The following APPL2 variants were observed in gnomAD, a reference collection of about 807,000 sequenced individuals.
APPL2 encodes the protein adaptor protein, phosphotyrosine interacting with PH domain and leucine zipper 2, also known as DCC-interacting protein 13-beta.
Under a neutral mutation model 92.7 loss-of-function variants are expected in APPL2, and 84 were observed. The ratio of observed to expected loss-of-function variants is 0.91; its 90% confidence interval spans 0.76 to 1.09. APPL2 has a LOEUF of 1.09. Ranked by LOEUF, APPL2 falls within the 50% of genes least tolerant of loss-of-function variation. APPL2 has a pLI of 0.00. For synonymous variants in APPL2, 291 were observed against 291.0 expected, an observed-to-expected ratio of 1.00 and a Z score of 0.00; for missense variants, 736 against 824.5, an observed-to-expected ratio of 0.89 and a Z score of 1.31.
In APPL2 at chr12:105,217,686, G is replaced by T; in HGVS notation, c.193C>A (p.Leu65Met). The stretch of plus-strand genomic sequence containing the variant: ...GTTACCTGTTTTTCATATGCCAGCA[G>T]TTGCTTAGAAAGCTGTTGTGTGGCC... ...CLATQQLSKQ[L>M]LAYEKQNFAL... Residue 65 changes from leucine (L) to methionine (M), a missense_variant, in exon 3 of 21, where the codon CTG (leucine) becomes ATG (methionine). Leu to Met is a conservative substitution (Grantham distance 15). Transcript: ENST00000258530. 1.2e-6 allele frequency: 2 copies of T among 1,613,992 alleles called. No homozygotes were observed. The highest frequency in any genetic ancestry group is 8.5e-7 in the Non-Finnish European group (1 of 1,180,034).
intron 14 of APPL2, among the ~76,000 whole-genome samples, chr12:105,190,740 G>A (rs1887123220): frequency 6.6e-6 from 1 of 152,162 alleles, no homozygotes; most frequent in Non-Finnish European, 1.5e-5. Context: ...CTGAACTCCT[G>A]TGATTCTTCT....
In APPL2 at chr12:105,178,704, A is replaced by G. The variant is rs186459834; in HGVS notation, c.1635-1442T>C. On this transcript the variant is annotated intron_variant, in intron 17 of 20. Coordinates refer to ENST00000258530, the MANE Select transcript of APPL2 (RefSeq NM_018171.5). ...GACTTCTTACAACTGGTTCATCTGT[A>G]AAACTGTGGTAAGAACCCCCACTTC... 5.3e-5 allele frequency among the ~76,000 whole-genome samples: 8 copies of G among 152,344 alleles called. No homozygotes were observed. In the East Asian group the frequency reaches 1.5e-3, roughly 29 times the overall value.
chr12:105,194,260 T>G (rs1223871627), intron 14 of APPL2, among the ~76,000 whole-genome samples: 3 of 152,160 alleles, frequency 2.0e-5, no homozygotes, highest in Non-Finnish European at 4.4e-5. Context: ...GAAACTCCCA[T>G]TAAGACAAAA....
rs538682834 is a variant in APPL2 at position 105,195,769 on chromosome 12, C to T, written c.1053-142G>A. Reference sequence around the variant, plus strand: ...GATGAGAGGGAAAGAAAATGGGGTTCCAGGGCCAGGTGCAGTGGCTCATGC... The same window carrying T: ...GATGAGAGGGAAAGAAAATGGGGTTTCAGGGCCAGGTGCAGTGGCTCATGC... On this transcript the variant is annotated intron_variant, in intron 11 of 20. Transcript: ENST00000258530. 7.0e-5 allele frequency: 62 copies of T among 890,108 alleles called. 1 individual carries two copies. In the South Asian group the frequency reaches 9.1e-4, roughly 13 times the overall value. The allele number at this position is 890,108 out of a possible 1,614,324, so 55.1% of individuals were successfully genotyped here.
intron 2 of APPL2, among the ~76,000 whole-genome samples, chr12:105,228,121 G>A (rs1021895004): frequency 1.3e-5 from 2 of 152,188 alleles, no homozygotes; most frequent in Non-Finnish European, 2.9e-5. Flanking sequence ...CAGTAATAGA[G>A]TGGTGAACCT....
intron 17 of APPL2, among the ~76,000 whole-genome samples, chr12:105,180,440 G>A (rs1886000607): frequency 6.6e-6 from 1 of 152,146 alleles, no homozygotes; most frequent in Admixed American, 6.5e-5. Flanking sequence ...TTTTGCTTAG[G>A]ATTATCTGGG....
chr12:105,203,510 ACT>A (rs1451676457), intron 9 of APPL2, 191 bp downstream of exon 9: 2 of 579,700 alleles, frequency 3.5e-6, no homozygotes, highest in African/African-American at 1.9e-5. Flanking sequence ...TCTGGAGAAA[ACT>A]CTGCCAATGT....
chr12:105,212,288 C>T (rs1889289607), intron 4 of APPL2, among the ~76,000 whole-genome samples: 1 of 152,158 alleles, frequency 6.6e-6, no homozygotes, highest in Non-Finnish European at 1.5e-5. Context: ...ACCTCAAGGA[C>T]TGAGTAAATT....
At chr12:105,188,911 G>A (rs565448053) in intron 16 of APPL2, among the ~76,000 whole-genome samples, 2 of 152,336 alleles carry the variant, frequency 1.3e-5, no homozygotes, top group South Asian at 2.1e-4. Context: ...GAAAGGCAGT[G>A]ATGATGTTTC....
intron 4 of APPL2, among the ~76,000 whole-genome samples, chr12:105,211,909 A>G (rs1425141213): frequency 2.0e-5 from 3 of 152,280 alleles, no homozygotes; most frequent in African/African-American, 2.4e-5. Context: ...TCATGAGGTC[A>G]GGAGATCGAG....
chr12:105,195,194 C>T, intron 14 of APPL2, 67 bp downstream of exon 14: 1 of 1,482,946 alleles, frequency 6.7e-7, no homozygotes, highest in Admixed American at 1.7e-5. Flanking sequence ...TAAGCAACAA[C>T]TCATTTCGTA....
intron 9 of APPL2, among the ~76,000 whole-genome samples, chr12:105,201,392 C>T (rs569025930): frequency 2.0e-5 from 3 of 152,082 alleles, no homozygotes; most frequent in Admixed American, 6.6e-5. Context: ...GCACATAGAA[C>T]GGGGGAGGAG....
intron 11 of APPL2, among the ~76,000 whole-genome samples, chr12:105,196,315 G>A (rs1264162337): frequency 6.6e-6 from 1 of 151,668 alleles, no homozygotes; most frequent in East Asian, 1.9e-4. Context: ...GCCCAAAGAA[G>A]GACTTGGCAG....
intron 20 of APPL2, among the ~76,000 whole-genome samples, chr12:105,175,762 C>T (rs572808362): frequency 3.7e-5 from 1 of 26,754 alleles, no homozygotes; most frequent in East Asian, 1.4e-3. Context: ...TATCTATCAT[C>T]TTAATCTGAA....
chr12:105,189,860 C>A (rs538644778), intron 15 of APPL2, 36 bp from the exon 16 acceptor site: 1 of 1,613,478 alleles, frequency 6.2e-7, no homozygotes, highest in South Asian at 1.1e-5. Flanking sequence ...AACACGACAG[C>A]TGCAGCTAGA....
At chr12:105,211,044 C>A (rs79704132) in intron 5 of APPL2, among the ~76,000 whole-genome samples, 186 bp downstream of exon 5, 1,537 of 152,322 alleles carry the variant, frequency 0.01, 15 homozygotes, top group Admixed American at 0.031. Flanking sequence ...TTCTCACTGG[C>A]CTGTGATCTC....
At position 105,177,283 on chromosome 12, in the gene APPL2, TTA is replaced by T. The variant is rs758414805; in HGVS notation, c.1635-23_1635-22del. The T allele has an allele frequency of 1.4e-5, 23 of 1,608,630 alleles. No individual in the cohort carries two copies. In the East Asian group the frequency reaches 4.5e-4, roughly 31 times the overall value. ...TCAACCTGAAATTTTAAAAGATACA[TTA>T]TGTCACAAATGTTGGATAAATTTAA... On this transcript the variant is annotated intron_variant, in intron 17 of 20. Coordinates refer to ENST00000258530, the MANE Select transcript of APPL2 (RefSeq NM_018171.5).
chr12:105,235,876 G>C, intron 1 of APPL2, 83 bp downstream of exon 1: 8 of 1,144,818 alleles, frequency 7.0e-6, no homozygotes, highest in Non-Finnish European at 8.8e-6. Context: ...GCCCGGCCGG[G>C]GGCGCGGCCT....
intron 9 of APPL2, chr12:105,203,411 A>G (rs1055038303): frequency 1.4e-5 from 5 of 366,924 alleles, no homozygotes; most frequent in Non-Finnish European, 2.4e-5. Context: ...ACTCTCAAAG[A>G]AAGTCAAGAG....
Sources: allele counts gnomAD v4.1 joint callset (sites outside exome capture counted in the v4.1 genomes callset), GRCh38; gene constraint gnomAD v4.1.1; transcripts MANE v1.5; gene names NCBI Gene and HGNC (gene_info 2026-07-23, HGNC 2026-07-21).